Variants in GPR39 observed in about 807,000 individuals in gnomAD.
GPR39 encodes zinc sensing receptor.
GPR39 carries 23 observed loss-of-function variants against 18.4 expected under a neutral mutation model. That is an observed-to-expected ratio of 1.25 (90% CI 0.90 to 1.77). GPR39 has a LOEUF of 1.77. Among genes scored for constraint, GPR39 ranks in the 40% most tolerant of loss-of-function variants. GPR39 has a pLI of 0.00. For missense variants in GPR39, 647 were observed against 602.4 expected (o/e 1.07, Z -0.78); for synonymous variants, 280 against 257.9 (o/e 1.09, Z -0.82).
intron 1 of GPR39, among the ~76,000 whole-genome samples, chr2:132,593,860 G>A (rs998376946): frequency 9.9e-5 from 15 of 152,086 alleles, no homozygotes; most frequent in African/African-American, 2.9e-4. Context: ...GGAAAGAAGC[G>A]CTCTCCATCT....
At chr2:132,502,355 C>T (rs1255286964) in intron 1 of GPR39, among the ~76,000 whole-genome samples, 1 of 152,120 alleles carries the variant, frequency 6.6e-6, no homozygotes, top group Non-Finnish European at 1.5e-5. Flanking sequence ...TTGATGGATA[C>T]AAAACTTAGC....
At chr2:132,450,366 G>A (rs775458486) in intron 1 of GPR39, among the ~76,000 whole-genome samples, 2 of 152,170 alleles carry the variant, frequency 1.3e-5, no homozygotes, top group Admixed American at 6.5e-5. Flanking sequence ...AAAGGTAAGT[G>A]GGCTTTCCAC....
intron 1 of GPR39, among the ~76,000 whole-genome samples, chr2:132,470,505 C>T (rs1036873128): frequency 4.0e-5 from 6 of 151,862 alleles, no homozygotes; most frequent in East Asian, 1.9e-4. Context: ...AGTAGGGTGC[C>T]GAGAGGTGGG....
chr2:132,536,024 G>C (rs1475926428), intron 1 of GPR39, among the ~76,000 whole-genome samples: 1 of 133,984 alleles, frequency 7.5e-6, no homozygotes, highest in Non-Finnish European at 1.6e-5. Context: ...AAAAAAAACA[G>C]CTCCTGGATT....
intron 1 of GPR39, among the ~76,000 whole-genome samples, chr2:132,630,992 T>C (rs997594035): frequency 1.1e-4 from 16 of 152,162 alleles, no homozygotes; most frequent in Non-Finnish European, 1.5e-5. Context: ...TGCAGGGTTC[T>C]GGCCATAGTT....
chr2:132,430,820 C>A (rs1421722628), intron 1 of GPR39, among the ~76,000 whole-genome samples: 3 of 152,202 alleles, frequency 2.0e-5, no homozygotes, highest in African/African-American at 7.2e-5. Flanking sequence ...ACAACAGACA[C>A]CCCCTGTGGG....
intron 1 of GPR39, among the ~76,000 whole-genome samples, chr2:132,458,409 G>A (rs1369751995): frequency 6.8e-6 from 1 of 146,570 alleles, no homozygotes; most frequent in African/African-American, 2.5e-5. Context: ...CATTTTCCAT[G>A]AGCTCATATA....
chr2:132,460,475 A>G (rs1008433306), intron 1 of GPR39, among the ~76,000 whole-genome samples: 3 of 152,208 alleles, frequency 2.0e-5, no homozygotes, highest in Non-Finnish European at 2.9e-5. Context: ...ATTTGACACC[A>G]ATCAATAAGC....
chr2:132,642,449 G>A (rs1298621804), intron 1 of GPR39, among the ~76,000 whole-genome samples: 1 of 152,160 alleles, frequency 6.6e-6, no homozygotes, highest in African/African-American at 2.4e-5. Context: ...TGTACCTGGA[G>A]GCTGGGTCTT....
rs542916363 is a variant in GPR39, at chr2:132,601,795, CAAGA to C, written c.857-43302_857-43299del. Among the ~76,000 whole-genome samples the C allele has an allele frequency of 2.7e-3, 406 of 152,024 alleles. 1 individual carries two copies. Among genetic ancestry groups the C allele is most frequent in the African/African-American group, 9.0e-3 (374 of 41,512 alleles). ...ATAACGACCTAGCTGAAAAAGAAAT[CAAGA>C]AAGCAATCTCATATATAATAGCTAT... On this transcript the variant is annotated intron_variant, in intron 1 of 1. Coordinates refer to ENST00000329321, the MANE Select transcript of GPR39 (RefSeq NM_001508.3).
intron 1 of GPR39, among the ~76,000 whole-genome samples, chr2:132,586,108 T>C (rs1356587859): frequency 6.6e-6 from 1 of 151,994 alleles, no homozygotes; most frequent in Non-Finnish European, 1.5e-5. Flanking sequence ...CTTGGGCTAA[T>C]GCATATGTTA....
chr2:132,585,266 G>A (rs78555466), intron 1 of GPR39, among the ~76,000 whole-genome samples: 321 of 152,012 alleles, frequency 2.1e-3, no homozygotes, highest in African/African-American at 7.4e-3. Context: ...CATTGCTGCC[G>A]TCCCCAGCTA....
intron 1 of GPR39, among the ~76,000 whole-genome samples, chr2:132,499,736 T>C (rs867866484): frequency 1.2e-4 from 19 of 152,342 alleles, no homozygotes; most frequent in African/African-American, 3.8e-4. Context: ...TGTCTATGAT[T>C]TCTTTCAGCA....
chr2:132,584,662 TGAAAG>T (rs1267135448), intron 1 of GPR39, among the ~76,000 whole-genome samples: 7 of 149,962 alleles, frequency 4.7e-5, no homozygotes, highest in African/African-American at 1.5e-4. Flanking sequence ...AAAGGGAAGA[TGAAAG>T]GAAGGAAAGA....
At chr2:132,540,864 G>A (rs1446839330) in intron 1 of GPR39, among the ~76,000 whole-genome samples, 1 of 152,026 alleles carries the variant, frequency 6.6e-6, no homozygotes, top group East Asian at 1.9e-4. Flanking sequence ...CAGATGAGCT[G>A]CTTTTGAAAG....
At chr2:132,585,948 GT>G (rs397985921) in intron 1 of GPR39, among the ~76,000 whole-genome samples, 21,230 of 62,480 alleles carry the variant, frequency 0.34, 3,012 homozygotes, top group Non-Finnish European at 0.38. Context: ...AGCATCCCCG[GT>G]TTTTTTTTTT....
intron 1 of GPR39, among the ~76,000 whole-genome samples, chr2:132,452,388 A>G (rs1246126417): frequency 1.3e-5 from 2 of 151,530 alleles, no homozygotes; most frequent in African/African-American, 2.4e-5. Context: ...CTTACCTATC[A>G]TTTTCTTTCT....
At position 132,518,391 on chromosome 2, in the gene GPR39, C is replaced by T. The variant is rs113129433; in HGVS notation, c.856+100493C>T. ...CTAATGAGCAACAGCAAAATCAGCT[C>T]ACTATAAAAAAATTGTTATTGAATT... is the stretch of plus-strand genomic sequence containing the variant. On this transcript the variant is annotated intron_variant, in intron 1 of 1. Transcript: ENST00000329321. Among the ~76,000 whole-genome samples, 11 of 152,244 alleles carry T rather than the reference C, an allele frequency of 7.2e-5. 1 individual carries two copies. Among genetic ancestry groups the T allele is most frequent in the African/African-American group, 2.6e-4 (11 of 41,542 alleles).
intron 1 of GPR39, among the ~76,000 whole-genome samples, chr2:132,506,850 T>C (rs1296967947): frequency 1.4e-5 from 2 of 144,030 alleles, no homozygotes; most frequent in African/African-American, 2.6e-5. Flanking sequence ...CCCAGACCAA[T>C]GTCCTAAAGT....
Sources: allele counts gnomAD v4.1 joint callset (sites outside exome capture counted in the v4.1 genomes callset), GRCh38; gene constraint gnomAD v4.1.1; transcripts MANE v1.5; gene names NCBI Gene and HGNC (gene_info 2026-07-23, HGNC 2026-07-21).